Variants in MIAT observed in about 807,000 individuals in gnomAD.
The protein encoded by MIAT is myocardial infarction associated transcript, also known as MI related novel mRNA.
exon 5 of MIAT, chr22:26,675,332 C>T (rs1417000526): frequency 2.5e-6 from 1 of 398,724 alleles, no homozygotes; most frequent in Non-Finnish European, 4.4e-6. Flanking sequence ...GAGACATGGA[C>T]ATGGTGCCGG....
chr22:26,657,609 G>T (rs923671833), intron 2 of MIAT: 6 of 398,584 alleles, frequency 1.5e-5, no homozygotes, highest in Non-Finnish European at 2.7e-5. Context: ...GTGAGCCGGG[G>T]CACAAAGAGC....
At chr22:26,675,992 G>C in exon 5 of MIAT, 2 of 398,684 alleles carry the variant, frequency 5.0e-6, no homozygotes, top group Non-Finnish European at 8.8e-6. Context: ...GCCCAAGCAG[G>C]CACATTCTCT....
intron 2 of MIAT, among the ~76,000 whole-genome samples, chr22:26,658,580 T>C (rs542976701): frequency 1.3e-5 from 2 of 152,268 alleles, no homozygotes; most frequent in African/African-American, 2.4e-5. Context: ...GGGCCAGACC[T>C]TTCCCCTCTT....
At chr22:26,647,212 G>T in exon 2 of MIAT, 1 of 398,554 alleles carries the variant, frequency 2.5e-6, no homozygotes, top group Non-Finnish European at 4.4e-6. Flanking sequence ...AGCATTGGAA[G>T]CTTCAAGATT....
At chr22:26,663,218 C>A (rs748140046) in intron 2 of MIAT, 1 of 397,064 alleles carries the variant, frequency 2.5e-6, no homozygotes, top group East Asian at 3.6e-5. Context: ...TTTTGGGAAA[C>A]GCTGTGATTT....
downstream of MIAT, chr22:26,672,382 G>C (rs561865191): frequency 2.5e-6 from 1 of 399,170 alleles, no homozygotes; most frequent in African/African-American, 2.1e-5. Context: ...TCTAAGGCAG[G>C]GGATGGCCCT....
At chr22:26,648,515 G>A (rs1170825341) in intron 2 of MIAT, among the ~76,000 whole-genome samples, 1 of 151,952 alleles carries the variant, frequency 6.6e-6, no homozygotes, top group Non-Finnish European at 1.5e-5. Context: ...CAGATGCTGG[G>A]GGAAACCAGT....
At chr22:26,673,717 A>T (rs1256760072), downstream of MIAT, 5 of 398,560 alleles carry the variant, frequency 1.3e-5, no homozygotes, top group Non-Finnish European at 2.2e-5. Flanking sequence ...AGGGAAAAGC[A>T]TAGCTAACAA....
In MIAT at chr22:26,665,298, A is replaced by T. The variant is rs1402622078; in HGVS notation, n.730-233A>T. ...AAGAAAGAAAGAAAGAAAAACAATT[A>T]ACTTTGAGTCACACATTGAGTACGT... On this transcript the variant is annotated intron_variant and non_coding_transcript_variant, in intron 3 of 5. Coordinates refer to ENST00000643270, the Ensembl canonical transcript of MIAT. 2.6e-5 allele frequency among the ~76,000 whole-genome samples: 4 copies of T among 151,982 alleles called. No individual in the cohort carries two copies. The East Asian group carries it at 5.8e-4, about 22-fold the overall frequency.
At chr22:26,672,667 G>T (rs896580679), downstream of MIAT, 5 of 399,034 alleles carry the variant, frequency 1.3e-5, no homozygotes, top group Middle Eastern at 6.3e-4. Context: ...TCACGAGGGG[G>T]GCGTATCCCA....
intron 4 of MIAT, chr22:26,667,152 C>G (rs777043085): frequency 5.0e-6 from 2 of 398,368 alleles, no homozygotes; most frequent in African/African-American, 4.1e-5. Flanking sequence ...TGGGTGAGCT[C>G]GAGCAGAGAA....
chr22:26,661,428 T>C (rs1294442626), intron 2 of MIAT, among the ~76,000 whole-genome samples: 1 of 152,116 alleles, frequency 6.6e-6, no homozygotes, highest in African/African-American at 2.4e-5. Flanking sequence ...AGATGAGTCA[T>C]GGAAGGGAGG....
At chr22:26,649,273 T>A (rs1930294360) in intron 2 of MIAT, among the ~76,000 whole-genome samples, 1 of 152,102 alleles carries the variant, frequency 6.6e-6, no homozygotes, top group Non-Finnish European at 1.5e-5. Context: ...AAGGGTGGGA[T>A]TCAAATTTAG....
chr22:26,649,593 G>C (rs537305845), intron 2 of MIAT, among the ~76,000 whole-genome samples: 3 of 152,314 alleles, frequency 2.0e-5, no homozygotes, highest in Admixed American at 6.5e-5. Context: ...TTGATGTCCA[G>C]GGATCATCCT....
Position 26,675,265 on chromosome 22 carries a change from A to C in MIAT, n.8933A>C, listed in dbSNP as rs527684288. The C allele has an allele frequency of 1.5e-4, 58 of 398,834 alleles. No individual in the cohort carries two copies. The East Asian group carries it at 2.0e-3, about 14-fold the overall frequency. The allele number at this position is 398,834 out of a possible 1,614,324, so 24.7% of individuals were successfully genotyped here. On this transcript the variant is annotated non_coding_transcript_exon_variant, in exon 5 of 5. Coordinates refer to the MIAT transcript ENST00000613780. ...GAGTGGTGGACACCAGTTTCTGGGGATCAGAGAGGATCCAAAGAGGTTCTG... is the reference window on the plus strand; with the variant it reads ...GAGTGGTGGACACCAGTTTCTGGGGCTCAGAGAGGATCCAAAGAGGTTCTG...
chr22:26,661,240 C>T (rs1930651426), intron 2 of MIAT, among the ~76,000 whole-genome samples: 2 of 152,136 alleles, frequency 1.3e-5, no homozygotes, highest in African/African-American at 4.8e-5. Flanking sequence ...TCTCTGAGGC[C>T]TGACTCATCT....
chr22:26,664,538 C>T (rs915029151), intron 3 of MIAT, among the ~76,000 whole-genome samples: 1 of 152,190 alleles, frequency 6.6e-6, no homozygotes, highest in Non-Finnish European at 1.5e-5. Context: ...CCAGGAACCA[C>T]AAATCTATTT....
chr22:26,673,866 TAGCC>T (rs1456880159), downstream of MIAT: 6 of 398,582 alleles, frequency 1.5e-5, no homozygotes, highest in Admixed American at 2.6e-4. Context: ...GTCAGAAGTA[TAGCC>T]AGTCTTGCAA....
chr22:26,650,620 G>A (rs1046209060), intron 2 of MIAT: 2 of 152,276 alleles, frequency 1.3e-5, no homozygotes, highest in African/African-American at 2.4e-5. Flanking sequence ...AGGCGCCACT[G>A]GGGGCAGGAC....
Sources: allele counts gnomAD v4.1 joint callset (sites outside exome capture counted in the v4.1 genomes callset), GRCh38; gene constraint gnomAD v4.1.1; transcripts MANE v1.5; gene names NCBI Gene and HGNC (gene_info 2026-07-23, HGNC 2026-07-21).